IL2RB: variants seen among roughly 807,000 people sequenced by gnomAD.
IL2RB encodes interleukin-2 receptor subunit beta.
A neutral mutation model predicts 44.2 loss-of-function variants in IL2RB; 17 were observed. The observed-to-expected ratio is 0.38, with a 90% confidence interval of 0.26 to 0.58. The LOEUF (loss-of-function observed/expected upper bound fraction) is 0.58. IL2RB is among the 20% of genes least tolerant of loss of function. IL2RB has a pLI of 0.63. For missense variants in IL2RB, 624 were observed against 685.5 expected, an observed-to-expected ratio of 0.91 and a Z score of 1.00; for synonymous variants, 286 against 297.9, an observed-to-expected ratio of 0.96 and a Z score of 0.41.
At chr22:37,144,280 G>A in intron 1 of IL2RB, 75 bp from the exon 2 acceptor site, 2 of 1,468,930 alleles carry the variant, frequency 1.4e-6, no homozygotes, top group South Asian at 2.8e-5. Context: ...GGCAGGCTGG[G>A]CCCGCCCCCT....
intron 9 of IL2RB, among the ~76,000 whole-genome samples, chr22:37,131,812 C>A (rs1163287905): frequency 6.6e-6 from 1 of 151,996 alleles, no homozygotes; most frequent in Non-Finnish European, 1.5e-5. Context: ...TCTCAGCTCA[C>A]TGTAACCTCC....
intron 8 of IL2RB, among the ~76,000 whole-genome samples, chr22:37,132,915 T>C (rs1921502865): frequency 6.6e-6 from 1 of 152,110 alleles, no homozygotes; most frequent in South Asian, 2.1e-4. Context: ...GTGGTTCAGG[T>C]TGTACACTGC....
At chr22:37,145,417 T>C (rs982461893) in intron 1 of IL2RB, among the ~76,000 whole-genome samples, 6 of 151,760 alleles carry the variant, frequency 4.0e-5, no homozygotes, top group Non-Finnish European at 7.4e-5. Context: ...TGGCCAGTGC[T>C]TTATTTATTT....
At chr22:37,140,598 G>A (rs556515491) in intron 4 of IL2RB, among the ~76,000 whole-genome samples, 13 of 152,190 alleles carry the variant, frequency 8.5e-5, no homozygotes, top group East Asian at 3.9e-4. Context: ...AACAGCATCC[G>A]GTTCCAGAGG....
chr22:37,159,927 T>C (rs1270879397), intron 1 of IL2RB, among the ~76,000 whole-genome samples: 1 of 152,272 alleles, frequency 6.6e-6, no homozygotes, highest in Non-Finnish European at 1.5e-5. Flanking sequence ...GCTCACATAG[T>C]GCCCAGCCTT....
At chr22:37,150,493 TATTTTG>T (rs1431777921), upstream of IL2RB, among the ~76,000 whole-genome samples, 2 of 152,218 alleles carry the variant, frequency 1.3e-5, no homozygotes, top group East Asian at 3.8e-4. Context: ...GCACATGAGC[TATTTTG>T]ATACAGGCAT....
intron 1 of IL2RB, among the ~76,000 whole-genome samples, chr22:37,163,008 A>C (rs1433223308): frequency 6.6e-6 from 1 of 152,184 alleles, no homozygotes; most frequent in Non-Finnish European, 1.5e-5. Flanking sequence ...GGGCATGAGC[A>C]CTGGACTGAG....
At chr22:37,139,454 G>A (rs228962) in intron 4 of IL2RB, among the ~76,000 whole-genome samples, 147,219 of 152,322 alleles carry the variant, frequency 0.97, 71,199 homozygotes, top group East Asian at 0.99. Flanking sequence ...TGAAGCAGAC[G>A]TAGGCAACAT....
At chr22:37,147,331 G>C (rs1458859591) in intron 1 of IL2RB, among the ~76,000 whole-genome samples, 1 of 152,184 alleles carries the variant, frequency 6.6e-6, no homozygotes, top group African/African-American at 2.4e-5. Flanking sequence ...TCTGAGTCAG[G>C]GCAGACTGCC....
At chr22:37,143,040 C>A (rs1310584350) in intron 3 of IL2RB, among the ~76,000 whole-genome samples, 3 of 152,096 alleles carry the variant, frequency 2.0e-5, no homozygotes, top group African/African-American at 7.2e-5. Context: ...CACTCACTGG[C>A]CGCCTGGATG....
At chr22:37,142,297 G>T in intron 4 of IL2RB, 137 bp downstream of exon 4, 2 of 787,446 alleles carry the variant, frequency 2.5e-6, no homozygotes, top group Non-Finnish European at 2.1e-6. Context: ...CTTGCTCAGC[G>T]CTGGGCATCC....
At chr22:37,172,675 T>A (rs1923329147) in intron 1 of IL2RB, among the ~76,000 whole-genome samples, 3 of 152,232 alleles carry the variant, frequency 2.0e-5, no homozygotes, top group Admixed American at 1.3e-4. Flanking sequence ...TTTAAATGCT[T>A]TAACTAGAAA....
rs547098448 is a variant in IL2RB, at chr22:37,155,107, T to C, written c.-33-10902A>G. Among the ~76,000 whole-genome samples, 8 of 152,166 alleles carry C rather than the reference T, an allele frequency of 5.3e-5. No individual in the cohort carries two copies. In the East Asian group the frequency reaches 1.5e-3, roughly 29 times the overall value. ...GTCCCCCAGGTGCTACAGCTGAACA[T>C]AAAACCAGGTGAGGAGGGGTGAGAC... On this transcript the variant is annotated intron_variant, in intron 1 of 5. Transcript: ENST00000429622.
intron 5 of IL2RB, among the ~76,000 whole-genome samples, chr22:37,138,680 C>T (rs1921818713): frequency 6.6e-6 from 1 of 152,178 alleles, no homozygotes; most frequent in Non-Finnish European, 1.5e-5. Flanking sequence ...GACATACATT[C>T]CCAGAAAGAG....
chr22:37,127,988 C>A lies in IL2RB; in HGVS notation c.*108G>T. The stretch of plus-strand genomic sequence containing the variant: ...CCATCCGGGTGGAGAAGTCCAGCTG[C>A]AACTGGACACTGAGTGTCCTCAGCA... On this transcript the variant is annotated 3_prime_UTR_variant, in exon 10 of 10. Coordinates refer to ENST00000216223, the MANE Select transcript of IL2RB (RefSeq NM_000878.5). The A allele has an allele frequency of 1.1e-6, 1 of 926,492 alleles. No homozygotes were observed. Among genetic ancestry groups the A allele is most frequent in the South Asian group, 3.2e-5 (1 of 31,324 alleles). 57.4% of individuals were successfully genotyped at this position (926,492 alleles called of 1,614,324 possible).
chr22:37,128,113 G>C lies in IL2RB; in HGVS notation c.1639C>G (p.Pro547Ala). The change falls in exon 10 of 10, where the codon CCA becomes GCA. Residue 547 changes from proline to alanine, a missense_variant. Around this residue, in one of 3 missense-constraint regions of IL2RB, gnomAD observed 291 missense variants for 275.5 expected, o/e 1.06. Transcript: ENST00000216223. The surrounding 1 kb of genome is among the most constrained non-coding windows in gnomAD (Gnocchi z 4.5). ...CCATCTGTCTACACCAAGTGAGTTG[G>C]GTCCTGACCCTGGAGTTCTTGGAGG... The part of the protein sequence containing the change: ...LSLQELQGQD[P>A]THLV The C allele has an allele frequency of 6.4e-7, 1 of 1,569,134 alleles. No individual in the cohort carries two copies. The highest frequency in any genetic ancestry group is 8.6e-7 in the Non-Finnish European group (1 of 1,162,802).
chr22:37,135,250 G>A (rs190181994), intron 8 of IL2RB, 78 bp downstream of exon 8: 48 of 897,962 alleles, frequency 5.3e-5, no homozygotes, highest in Non-Finnish European at 6.9e-5. Context: ...GCTTGTGTGC[G>A]TGTGTGTGCA....
upstream of IL2RB, among the ~76,000 whole-genome samples, chr22:37,153,487 G>A (rs1922569960): frequency 6.6e-6 from 1 of 152,222 alleles, no homozygotes; most frequent in African/African-American, 2.4e-5. Context: ...ACAAGAAGGT[G>A]TGTATAAAGC....
chr22:37,162,813 C>T (rs909931020), intron 1 of IL2RB, among the ~76,000 whole-genome samples: 1 of 152,162 alleles, frequency 6.6e-6, no homozygotes, highest in Non-Finnish European at 1.5e-5. Context: ...GGCTACCTGT[C>T]TGATTGACCG....
Sources: allele counts gnomAD v4.1 joint callset (sites outside exome capture counted in the v4.1 genomes callset), GRCh38; gene constraint gnomAD v4.1.1; regional missense constraint gnomAD v4.1.1; non-coding constraint Gnocchi (gnomAD v3.1); transcripts MANE v1.5; gene names NCBI Gene and HGNC (gene_info 2026-07-23, HGNC 2026-07-21).